The following MAP4K5 variants were observed in gnomAD, a reference collection of about 807,000 sequenced individuals.
MAP4K5 encodes the protein mitogen-activated protein kinase kinase kinase kinase 5, also known as MAPK/ERK kinase kinase kinase 5.
A neutral mutation model predicts 135.6 loss-of-function variants in MAP4K5; 82 were observed. That is an observed-to-expected ratio of 0.60 (90% CI 0.51 to 0.73). MAP4K5 has a LOEUF of 0.73. Ranked by LOEUF, MAP4K5 falls within the 30% of genes least tolerant of loss-of-function variation. The pLI is 0.00. For missense variants in MAP4K5, 907 were observed against 1,010.9 expected (o/e 0.90, Z 1.39); for synonymous variants, 347 against 335.0 (o/e 1.04, Z -0.39).
chr14:50,526,443 C>G (rs187356115), intron 2 of MAP4K5, among the ~76,000 whole-genome samples: 477 of 152,234 alleles, frequency 3.1e-3, no homozygotes, highest in Middle Eastern at 6.8e-3. Context: ...TTATAGGCAC[C>G]TGCCACCATG....
chr14:50,541,193 G>C (rs558422758), intron 2 of MAP4K5, among the ~76,000 whole-genome samples: 3 of 152,260 alleles, frequency 2.0e-5, no homozygotes, highest in African/African-American at 4.8e-5. Context: ...ACTACCTCAG[G>C]GATATTTAAA....
chr14:50,460,315 T>A (rs1051057344), intron 13 of MAP4K5, among the ~76,000 whole-genome samples: 1 of 151,392 alleles, frequency 6.6e-6, no homozygotes. Context: ...TCATATACCA[T>A]TGTGCCCCCC....
intron 14 of MAP4K5, chr14:50,449,471 C>T (rs1369763274): frequency 6.6e-6 from 1 of 151,852 alleles, no homozygotes; most frequent in Non-Finnish European, 1.5e-5. Flanking sequence ...ATTAAAAGCC[C>T]CCCAAATTTT....
At chr14:50,558,790 T>C (rs1027495812) in intron 1 of MAP4K5, among the ~76,000 whole-genome samples, 1 of 152,232 alleles carries the variant, frequency 6.6e-6, no homozygotes, top group African/African-American at 2.4e-5. Context: ...TCTATGAACT[T>C]GGTTTATAGG....
At chr14:50,441,805 T>TATAC (rs1175463441) in intron 21 of MAP4K5, among the ~76,000 whole-genome samples, 11 of 148,408 alleles carry the variant, frequency 7.4e-5, no homozygotes, top group African/African-American at 2.2e-4. Context: ...CACATATATA[T>TATAC]ACCCCCTCTG....
At chr14:50,523,082 C>T (rs536637543) in intron 2 of MAP4K5, among the ~76,000 whole-genome samples, 2 of 152,236 alleles carry the variant, frequency 1.3e-5, no homozygotes, top group Non-Finnish European at 2.9e-5. Context: ...GAGGCTGAGG[C>T]GGGTGGATCA....
chr14:50,441,771 C>G (rs2036233453), intron 21 of MAP4K5, among the ~76,000 whole-genome samples: 1 of 150,154 alleles, frequency 6.7e-6, no homozygotes, highest in Non-Finnish European at 1.5e-5. Context: ...CACACACACA[C>G]ACACACACAC....
Position 50,440,364 on chromosome 14 carries a change from G to A in MAP4K5, c.1642C>T (p.Gln548Ter). ...LNELHEATMEQLFPRKCTWLY... is the reference protein window; with the variant it reads ...LNELHEATME ...CTTGAATTAAAATGCCTAATTACCTGTTCCATCGTTGCCTCATGTAGCTCA... is the reference window on the plus strand; with the variant it reads ...CTTGAATTAAAATGCCTAATTACCTATTCCATCGTTGCCTCATGTAGCTCA... The change falls in exon 22 of 33, where the codon CAG becomes TAG. Residue 548 changes from glutamine (Q) to a stop codon, truncating the protein, a stop_gained and splice_region_variant. Transcript: ENST00000682126. LOFTEE classifies it high-confidence loss of function. 1 of 1,582,230 alleles carries A rather than the reference G, an allele frequency of 6.3e-7. No individual in the cohort carries two copies. Among genetic ancestry groups the A allele is most frequent in the Non-Finnish European group, 8.7e-7 (1 of 1,155,802 alleles).
At chr14:50,484,999 T>G (rs190514369) in intron 5 of MAP4K5, among the ~76,000 whole-genome samples, 1 of 152,180 alleles carries the variant, frequency 6.6e-6, no homozygotes, top group Admixed American at 6.5e-5. Context: ...TCTCATAAAT[T>G]CTAGAAATTC....
chr14:50,558,545 A>G (rs2038793223), intron 1 of MAP4K5, among the ~76,000 whole-genome samples: 1 of 152,228 alleles, frequency 6.6e-6, no homozygotes. Context: ...ACACAGTCTC[A>G]AAGTATTCAC....
At position 50,443,977 on chromosome 14, in the gene MAP4K5, G is replaced by A. The variant is rs943019986; in HGVS notation, c.1399C>T (p.Pro467Ser). ...SENTEGSAQAPQLPRKKDKRD... is the reference protein window; with the variant it reads ...SENTEGSAQASQLPRKKDKRD... ...TTGTCCTTTTTTCGTGGTAACTGTG[G>A]TGCTTGTGCTGATCCTTCTGTATTT... The change falls in exon 19 of 33, where the codon CCA (proline) becomes TCA (serine). Residue 467 changes from proline (P) to serine (S), a missense_variant. Coordinates refer to ENST00000682126, the MANE Select transcript of MAP4K5 (RefSeq NM_006575.6). 1 of 1,609,306 alleles carries A rather than the reference G, an allele frequency of 6.2e-7. No homozygotes were observed. The highest frequency in any genetic ancestry group is 8.5e-7 in the Non-Finnish European group (1 of 1,177,614).
In MAP4K5 at chr14:50,527,992, T is replaced by C. The variant is rs373411486; in HGVS notation, c.108+3950A>G. Among the ~76,000 whole-genome samples the C allele has an allele frequency of 6.6e-4, 101 of 152,314 alleles. 5 individuals carry two copies. The South Asian group carries it at 0.02, about 31-fold the overall frequency. On this transcript the variant is annotated intron_variant, in intron 2 of 32. Coordinates refer to ENST00000682126, the MANE Select transcript of MAP4K5 (RefSeq NM_006575.6). ...CTGTATCATGATGCTGTAGTTGTTATAGATCCTTGTGGTCAGAGGTAGTTG... is the reference window on the plus strand; with the variant it reads ...CTGTATCATGATGCTGTAGTTGTTACAGATCCTTGTGGTCAGAGGTAGTTG...
intron 2 of MAP4K5, among the ~76,000 whole-genome samples, chr14:50,518,872 G>A (rs2038089093): frequency 6.6e-6 from 1 of 152,172 alleles, no homozygotes; most frequent in Non-Finnish European, 1.5e-5. Flanking sequence ...TTTCAGGGTA[G>A]GGAAGATGTG....
chr14:50,486,288 G>A (rs1206615110), intron 3 of MAP4K5, 94 bp from the exon 4 acceptor site: 2 of 542,328 alleles, frequency 3.7e-6, no homozygotes, highest in East Asian at 3.5e-5. Flanking sequence ...TAGAGATGAG[G>A]AATGAGGCAT....
intron 1 of MAP4K5, among the ~76,000 whole-genome samples, chr14:50,560,705 C>A (rs1246692777): frequency 6.6e-6 from 1 of 152,216 alleles, no homozygotes; most frequent in Non-Finnish European, 1.5e-5. Flanking sequence ...GGTCGGGGAT[C>A]TAGAGCAGGC....
At chr14:50,511,950 G>A (rs2037938428) in intron 2 of MAP4K5, among the ~76,000 whole-genome samples, 1 of 152,038 alleles carries the variant, frequency 6.6e-6, no homozygotes, top group Non-Finnish European at 1.5e-5. Context: ...AAAGTATTCT[G>A]TATGAAATGG....
rs187581272 is a variant in MAP4K5, at chr14:50,464,987, T to C, written c.738-854A>G. 3.8e-3 allele frequency among the ~76,000 whole-genome samples: 585 copies of C among 152,312 alleles called. 3 individuals carry two copies. The highest frequency in any genetic ancestry group is 0.012 in the Admixed American group (180 of 15,302). ...GAATGAATATCAGTCATTCCTGCCG[T>C]AAAACCGTTCAGTTCCAGATGTCTA... On this transcript the variant is annotated intron_variant, in intron 11 of 32. Transcript: ENST00000682126.
chr14:50,509,508 T>C (rs555019148), intron 2 of MAP4K5, among the ~76,000 whole-genome samples: 10 of 152,312 alleles, frequency 6.6e-5, no homozygotes, highest in Admixed American at 5.9e-4. Flanking sequence ...TAATTTTCAA[T>C]GTAACAGAAG....
Position 50,425,928 on chromosome 14 carries a change from A to C in MAP4K5, c.2376T>G (p.Gly792=). The change falls in exon 31 of 33, where the codon GGT becomes GGG. Residue 792 remains glycine, a synonymous_variant. Transcript: ENST00000682126. ...VLAFWKHGMQ[G]KSFKSDEVTQ... ...TTACCTCATCTGACTTGAAGCTTTT[A>C]CCCTGCATCCCATGTTTCCAGAAAG... 6.2e-7 allele frequency: 1 copy of C among 1,612,824 alleles called. No homozygotes were observed. The highest frequency in any genetic ancestry group is 8.5e-7 in the Non-Finnish European group (1 of 1,179,242).
Sources: gnomAD v4.1 joint callset for allele counts (sites outside exome capture counted in the v4.1 genomes callset) on GRCh38, gnomAD v4.1.1 for gene constraint, MANE v1.5 for transcripts, NCBI Gene and HGNC (gene_info 2026-07-23, HGNC 2026-07-21) for gene names.